The following KLF8 variants were observed in gnomAD, a reference collection of about 807,000 sequenced individuals.
KLF8 encodes the protein Krueppel-like factor 8.
A neutral mutation model predicts 18.2 loss-of-function variants in KLF8; 10 were observed. The ratio of observed to expected loss-of-function variants is 0.55; its 90% confidence interval spans 0.34 to 0.93. The LOEUF is 0.93. Ranked by LOEUF, KLF8 falls within the 40% of genes least tolerant of loss-of-function variation. The pLI is 0.02. For synonymous variants in KLF8, 109 were observed against 97.3 expected (o/e 1.12, Z -0.71); for missense variants, 264 against 277.9 (o/e 0.95, Z 0.36).
chrX:56,274,333 T>C (rs1316999904), intron 5 of KLF8, among the ~76,000 whole-genome samples: 1 of 112,005 alleles, frequency 8.9e-6, no homozygotes, highest in Non-Finnish European at 1.9e-5. Flanking sequence ...CTTTTCAGCT[T>C]TTTTGCCCAT....
chrX:56,036,790 T>C, the KLF8 span, among the ~76,000 whole-genome samples: 2 of 112,013 alleles, frequency 1.8e-5, no homozygotes, highest in Non-Finnish European at 1.9e-5. Flanking sequence ...TTAACAATAA[T>C]AAATTTTCTG....
At chrX:56,185,762 T>C in the KLF8 span, among the ~76,000 whole-genome samples, 1 of 111,745 alleles carries the variant, frequency 8.9e-6, no homozygotes, top group Middle Eastern at 4.6e-3. Context: ...GAATTTCATA[T>C]CCAGCCAAAC....
At chrX:56,244,264 C>A (rs893023985) in intron 1 of KLF8, among the ~76,000 whole-genome samples, 5 of 111,738 alleles carry the variant, frequency 4.5e-5, no homozygotes, top group African/African-American at 1.3e-4. Flanking sequence ...GGCTAGACTG[C>A]GGTGGCACAA....
the KLF8 span, among the ~76,000 whole-genome samples, chrX:56,148,902 T>A: frequency 8.9e-6 from 1 of 112,163 alleles, no homozygotes; most frequent in Non-Finnish European, 1.9e-5. Context: ...AGCCAAACTA[T>A]ATCAAAATGG....
chrX:56,159,716 G>T, the KLF8 span, among the ~76,000 whole-genome samples: 1 of 111,924 alleles, frequency 8.9e-6, no homozygotes, highest in African/African-American at 3.2e-5. Context: ...TTGTATTTCT[G>T]TGGGATCGGT....
At chrX:56,138,759 G>T in the KLF8 span, among the ~76,000 whole-genome samples, 2 of 111,436 alleles carry the variant, frequency 1.8e-5, no homozygotes, top group South Asian at 7.5e-4. Flanking sequence ...ATCTGAAAAA[G>T]ACAAGGATGC....
the KLF8 span, among the ~76,000 whole-genome samples, chrX:56,000,554 C>A: frequency 1.9e-5 from 2 of 106,100 alleles, no homozygotes; most frequent in Non-Finnish European, 3.9e-5. Flanking sequence ...ATTTCTATGT[C>A]TCCCTGATTC....
At chrX:56,179,702 G>T in the KLF8 span, among the ~76,000 whole-genome samples, 7 of 111,455 alleles carry the variant, frequency 6.3e-5, no homozygotes, top group Non-Finnish European at 1.1e-4. Context: ...TAGCATGAAG[G>T]GTTGTTGAAT....
the KLF8 span, among the ~76,000 whole-genome samples, chrX:56,138,893 T>C: frequency 0.13 from 14,042 of 110,654 alleles, 1,614 homozygotes; most frequent in African/African-American, 0.37. Context: ...TTTTCATAGA[T>C]AATATGACTT....
At chrX:55,924,382 A>G in the KLF8 span, among the ~76,000 whole-genome samples, 4 of 111,709 alleles carry the variant, frequency 3.6e-5, no homozygotes, top group South Asian at 1.5e-3. Context: ...CGGCCCTGAC[A>G]TTCTTAATTA....
chrX:55,935,977 G>C, the KLF8 span, among the ~76,000 whole-genome samples: 4 of 112,161 alleles, frequency 3.6e-5, no homozygotes, highest in Non-Finnish European at 5.6e-5. Context: ...TTACTTGTTT[G>C]AAAGCTTAAG....
At chrX:56,102,593 T>G in the KLF8 span, among the ~76,000 whole-genome samples, 1 of 111,281 alleles carries the variant, frequency 9.0e-6, no homozygotes, top group Non-Finnish European at 1.9e-5. Flanking sequence ...TTCATGAACA[T>G]GGGGTGTTTT....
the KLF8 span, among the ~76,000 whole-genome samples, chrX:56,214,065 C>T: frequency 9.0e-6 from 1 of 111,134 alleles, no homozygotes; most frequent in Non-Finnish European, 1.9e-5. Flanking sequence ...GCCATAAAGC[C>T]GTCCCTCTGA....
chrX:56,098,475 C>G, the KLF8 span, among the ~76,000 whole-genome samples: 2 of 111,214 alleles, frequency 1.8e-5, no homozygotes, highest in Non-Finnish European at 3.8e-5. Flanking sequence ...AATTAAAGAA[C>G]AAAGACCACA....
At chrX:55,972,370 T>C in the KLF8 span, among the ~76,000 whole-genome samples, 1 of 110,730 alleles carries the variant, frequency 9.0e-6, no homozygotes, top group Non-Finnish European at 1.9e-5. Context: ...AGTGGAAGTA[T>C]GGTTACAAGA....
the KLF8 span, among the ~76,000 whole-genome samples, chrX:56,081,289 G>A: frequency 9.0e-6 from 1 of 111,341 alleles, no homozygotes. Flanking sequence ...ATCTACTTTT[G>A]GTCTTTGATG....
At chrX:56,066,680 G>T in the KLF8 span, among the ~76,000 whole-genome samples, 1 of 111,459 alleles carries the variant, frequency 9.0e-6, no homozygotes, top group Admixed American at 9.5e-5. Flanking sequence ...AGTGGTACCT[G>T]GATGTGGGTG....
At chrX:56,058,290 A>G in the KLF8 span, among the ~76,000 whole-genome samples, 2 of 60,285 alleles carry the variant, frequency 3.3e-5, no homozygotes, top group African/African-American at 7.4e-5. Context: ...ATATATATAT[A>G]TATATATATA....
the KLF8 span, among the ~76,000 whole-genome samples, chrX:56,018,710 TA>T: frequency 9.0e-6 from 1 of 111,349 alleles, no homozygotes; most frequent in Non-Finnish European, 1.9e-5. Context: ...AGTTAAACCA[TA>T]AAAAATTGCC....
Sources: gnomAD v4.1 joint callset for allele counts (sites outside exome capture counted in the v4.1 genomes callset) on GRCh38, gnomAD v4.1.1 for gene constraint, MANE v1.5 for transcripts, NCBI Gene and HGNC (gene_info 2026-07-23, HGNC 2026-07-21) for gene names.